MED14: variants seen among roughly 807,000 people sequenced by gnomAD.
The protein encoded by MED14 is mediator of RNA polymerase II transcription subunit 14.
Under a neutral mutation model 109.0 loss-of-function variants are expected in MED14, and 8 were observed. The ratio of observed to expected loss-of-function variants is 0.07; its 90% CI spans 0.04 to 0.13. MED14 has a LOEUF of 0.13. MED14 is among the 10% of genes least tolerant of loss of function. MED14 has a pLI of 1.00. For missense variants in MED14, 711 were observed against 1,142.4 expected (o/e 0.62, Z 5.44); for synonymous variants, 399 against 408.7 (o/e 0.98, Z 0.29).
chrX:40,695,183 T>C (rs1930679924), intron 13 of MED14, among the ~76,000 whole-genome samples: 1 of 111,916 alleles, frequency 8.9e-6, no homozygotes, highest in African/African-American at 3.2e-5. Context: ...GGGTATTATG[T>C]GGCAATTTTG....
chrX:40,728,613 A>G (rs1285076396), intron 2 of MED14, among the ~76,000 whole-genome samples: 1 of 111,003 alleles, frequency 9.0e-6, no homozygotes, highest in Non-Finnish European at 1.9e-5. Flanking sequence ...TTACAATTTA[A>G]ATCTCCATCA....
intron 16 of MED14, 99 bp from the exon 17 acceptor site, chrX:40,683,095 T>C: frequency 1.4e-6 from 1 of 694,713 alleles, no homozygotes; most frequent in Non-Finnish European, 2.1e-6. Flanking sequence ...CAGTTCAAAC[T>C]CCACTTCTAG....
intron 22 of MED14, among the ~76,000 whole-genome samples, chrX:40,672,441 A>G (rs1929762930): frequency 8.9e-6 from 1 of 112,252 alleles, no homozygotes; most frequent in Non-Finnish European, 1.9e-5. Flanking sequence ...GGCATTTAGT[A>G]TCAATGAAAT....
At chrX:40,700,388 AAAAAT>A (rs1222881784) in intron 12 of MED14, among the ~76,000 whole-genome samples, 3 of 99,524 alleles carry the variant, frequency 3.0e-5, no homozygotes, top group African/African-American at 1.1e-4. Flanking sequence ...AAAAAAAAAA[AAAAAT>A]TCATGCCCTG....
At chrX:40,707,327 T>C (rs1390081147) in intron 10 of MED14, among the ~76,000 whole-genome samples, 1 of 112,386 alleles carries the variant, frequency 8.9e-6, no homozygotes, top group African/African-American at 3.2e-5. Context: ...TTGGTGAGGA[T>C]GTGGAGAAAA....
intron 26 of MED14, among the ~76,000 whole-genome samples, chrX:40,660,896 T>C (rs1384794755): frequency 8.8e-6 from 1 of 113,255 alleles, no homozygotes; most frequent in Non-Finnish European, 1.9e-5. Flanking sequence ...GTGAATATTT[T>C]AAACATTCAC....
chrX:40,658,084 G>A (rs1246414840), intron 28 of MED14, among the ~76,000 whole-genome samples: 1 of 106,754 alleles, frequency 9.4e-6, no homozygotes, highest in African/African-American at 3.4e-5. Context: ...GTGAGCCACC[G>A]TGCACGGCCT....
At chrX:40,682,240 C>T (rs958187349) in intron 18 of MED14, among the ~76,000 whole-genome samples, 3 of 111,650 alleles carry the variant, frequency 2.7e-5, no homozygotes, top group Non-Finnish European at 5.6e-5. Context: ...GTCTCTGCAA[C>T]TTGTTTTCTT....
At chrX:40,675,445 A>G (rs1335378738) in intron 21 of MED14, 84 bp from the exon 22 acceptor site, 2 of 717,924 alleles carry the variant, frequency 2.8e-6, no homozygotes, top group Non-Finnish European at 1.9e-6. Context: ...ATATTTAAAC[A>G]GAAACACAGT....
intron 28 of MED14, 124 bp from the exon 29 acceptor site, chrX:40,655,184 T>C: frequency 1.5e-6 from 1 of 667,940 alleles, no homozygotes; most frequent in Non-Finnish European, 2.2e-6. Context: ...ATAAAGTTAA[T>C]AACTGCACTT....
At chrX:40,674,881 A>G (rs1929859988) in intron 22 of MED14, among the ~76,000 whole-genome samples, 1 of 112,598 alleles carries the variant, frequency 8.9e-6, no homozygotes, top group Non-Finnish European at 1.9e-5. Flanking sequence ...CTAGACATTT[A>G]GTCTACTGTG....
At chrX:40,700,521 C>T (rs937130848) in intron 12 of MED14, among the ~76,000 whole-genome samples, 7 of 109,709 alleles carry the variant, frequency 6.4e-5, no homozygotes, top group Admixed American at 9.7e-5. Context: ...CTTTAGATAC[C>T]GCCCCCCCAC....
Position 40,675,314 on chromosome X carries a change from C to T in MED14, c.2928G>A (p.Arg976=), listed in dbSNP as rs1431155663. 5.9e-6 allele frequency: 7 copies of T among 1,196,173 alleles called. No individual in the cohort carries two copies. Among genetic ancestry groups the T allele is most frequent in the Non-Finnish European group, 4.5e-6 (4 of 888,498 alleles). ...FVDSNQDARR[R]SVNEDDNPPS... ...GGGGATTATCGTCCTCATTTACAGACCTTCTTCGAGCATCCTGATTGCTGT... is the reference window on the plus strand; with the variant it reads ...GGGGATTATCGTCCTCATTTACAGATCTTCTTCGAGCATCCTGATTGCTGT... The change falls in exon 22 of 31, where the codon AGG becomes AGA. Residue 976 remains arginine (R), a synonymous_variant. Transcript: ENST00000324817.
intron 28 of MED14, among the ~76,000 whole-genome samples, chrX:40,658,278 G>T (rs1039826088): frequency 1.1e-4 from 12 of 109,346 alleles, no homozygotes; most frequent in Admixed American, 2.9e-4. Flanking sequence ...TTTTAGTAGA[G>T]ACAGGGTTTC....
chrX:40,649,553 C>G lies in MED14; in HGVS notation c.*2253G>C, dbSNP rs1928781415. 5 of 842,008 alleles carry G rather than the reference C, an allele frequency of 5.9e-6. No individual in the cohort carries two copies. Among genetic ancestry groups the G allele is most frequent in the Non-Finnish European group, 7.6e-6 (5 of 661,162 alleles). 69.4% of individuals were successfully genotyped at this position (842,008 alleles called of 1,213,427 possible). A position where few individuals can be genotyped will look rare whatever the true frequency, so the allele number is the denominator to read the frequency against. On this transcript the variant is annotated 3_prime_UTR_variant, in exon 31 of 31. Coordinates refer to ENST00000324817, the MANE Select transcript of MED14 (RefSeq NM_004229.4). ...CTAGAGAGTTGGTAGTTCTCTGAAACTTTGTATAAATTTTATTTATTACTG... is the reference window on the plus strand; with the variant it reads ...CTAGAGAGTTGGTAGTTCTCTGAAAGTTTGTATAAATTTTATTTATTACTG...
In MED14 at chrX:40,735,342, G is replaced by T; in HGVS notation, c.71C>A (p.Pro24His). 10 of 1,078,640 alleles carry T rather than the reference G, an allele frequency of 9.3e-6. No homozygotes were observed. The highest frequency in any genetic ancestry group is 1.2e-5 in the Non-Finnish European group (10 of 834,038). The allele number at this position is 1,078,640 out of a possible 1,213,427, so 88.9% of individuals were successfully genotyped here. The change falls in exon 1 of 31, where the codon CCC (proline) becomes CAC (histidine). Residue 24 changes from proline to histidine, a missense_variant. This residue lies in a region of MED14 where 62 missense variants were observed against 55.2 expected (regional missense o/e 1.12). Coordinates refer to ENST00000324817, the MANE Select transcript of MED14 (RefSeq NM_004229.4). ...GGGAGGAGGGGCTGGGGCTGACGGG[G>T]GTCCGCCGCTGCCCCCGCCGCCGCC... is the stretch of plus-strand genomic sequence containing the variant. Reference protein sequence around the residue: ...PGGGGGGSGGPPSAPAPPPPG... With the variant: ...PGGGGGGSGGHPSAPAPPPPG...
At chrX:40,666,260 T>C (rs1403882659) in intron 24 of MED14, among the ~76,000 whole-genome samples, 2 of 111,853 alleles carry the variant, frequency 1.8e-5, no homozygotes, top group Non-Finnish European at 3.8e-5. Flanking sequence ...AAAGGAAACC[T>C]TTCATTGACT....
intron 21 of MED14, among the ~76,000 whole-genome samples, chrX:40,676,203 G>A (rs1286984622): frequency 8.9e-6 from 1 of 111,737 alleles, no homozygotes; most frequent in African/African-American, 3.3e-5. Flanking sequence ...AGGACTGCTT[G>A]AGCCCGGGAA....
intron 11 of MED14, among the ~76,000 whole-genome samples, chrX:40,702,550 G>T (rs1209150868): frequency 4.5e-5 from 5 of 110,445 alleles, no homozygotes. Context: ...GTTTCACCGT[G>T]TTAGCCAGGA....
Sources: allele counts gnomAD v4.1 joint callset (sites outside exome capture counted in the v4.1 genomes callset), GRCh38; gene constraint gnomAD v4.1.1; regional missense constraint gnomAD v4.1.1; transcripts MANE v1.5; gene names NCBI Gene and HGNC (gene_info 2026-07-23, HGNC 2026-07-21).